The following ABAT variants were observed in gnomAD, a reference collection of about 807,000 sequenced individuals.
ABAT encodes the protein 4-aminobutyrate aminotransferase.
A neutral mutation model predicts 64.6 loss-of-function variants in ABAT; 45 were observed. That is an observed-to-expected ratio of 0.70 (90% CI 0.55 to 0.89). ABAT has a LOEUF of 0.89. ABAT is among the 40% of genes least tolerant of loss of function. The pLI, the probability that ABAT is intolerant of heterozygous loss-of-function variation, is 0.00. For synonymous variants in ABAT, 297 were observed against 250.5 expected, an observed-to-expected ratio of 1.19 and a Z score of -1.75; for missense variants, 633 against 658.4, an observed-to-expected ratio of 0.96 and a Z score of 0.42.
chr16:8,725,939 C>T (rs1452442231), intron 1 of ABAT, among the ~76,000 whole-genome samples: 1 of 152,150 alleles, frequency 6.6e-6, no homozygotes, highest in African/African-American at 2.4e-5. Flanking sequence ...AACCCCCTCC[C>T]CAGCTCAGTG....
Position 8,764,206 on chromosome 16 carries a change from G to A in ABAT, c.447+57G>A. The A allele has an allele frequency of 1.4e-6, 2 of 1,394,230 alleles. No individual in the cohort carries two copies. Among genetic ancestry groups the A allele is most frequent in the South Asian group, 2.3e-5 (2 of 86,446 alleles). The allele number at this position is 1,394,230 out of a possible 1,614,324, so 86.4% of individuals were successfully genotyped here. A position where few individuals can be genotyped will look rare whatever the true frequency, so the allele number is the denominator to read the frequency against. ...CAGACGTGGTACTGGCAGGGGAAGG[G>A]AAAAGTGGAGACGCCAACAATGAAG... On this transcript the variant is annotated intron_variant, in intron 7 of 15. Coordinates refer to ENST00000268251, the MANE Select transcript of ABAT (RefSeq NM_020686.6). The surrounding 1 kb of genome is among the most constrained non-coding windows in gnomAD (Gnocchi z 4.2).
chr16:8,749,719 T>G (rs2059426658), intron 4 of ABAT, among the ~76,000 whole-genome samples: 1 of 150,468 alleles, frequency 6.6e-6, no homozygotes, highest in South Asian at 2.1e-4. Context: ...TTTAATGTTT[T>G]TGTTTTTTAT....
intron 12 of ABAT, among the ~76,000 whole-genome samples, 162 bp from the exon 13 acceptor site, chr16:8,774,727 GT>G (rs921993670): frequency 1.3e-5 from 2 of 152,058 alleles, no homozygotes; most frequent in African/African-American, 2.4e-5. Context: ...GTTTTGATTA[GT>G]TTTTTTTGTG....
intron 5 of ABAT, among the ~76,000 whole-genome samples, chr16:8,755,217 G>C (rs1386829170): frequency 6.6e-6 from 1 of 152,110 alleles, no homozygotes; most frequent in Non-Finnish European, 1.5e-5. Context: ...CTAACCCTGA[G>C]GTGGGTCTCC....
intron 12 of ABAT, among the ~76,000 whole-genome samples, chr16:8,773,147 C>T (rs9932833): frequency 0.032 from 3,148 of 98,196 alleles, 137 homozygotes; most frequent in African/African-American, 0.12. Context: ...CACACACACA[C>T]ATATATATAT....
intron 6 of ABAT, chr16:8,760,041 A>T (rs1425649656): frequency 6.6e-6 from 1 of 152,214 alleles, no homozygotes; most frequent in African/African-American, 2.4e-5. Flanking sequence ...GTATTTGCAT[A>T]GCTCCAGTTC....
chr16:8,778,936 G>A (rs562917303), intron 14 of ABAT, among the ~76,000 whole-genome samples: 2 of 152,258 alleles, frequency 1.3e-5, no homozygotes, highest in African/African-American at 4.8e-5. Context: ...AGGGGGCAGT[G>A]GGAGGAAACT....
chr16:8,719,464 T>C (rs1163330595), intron 1 of ABAT, among the ~76,000 whole-genome samples: 1 of 152,198 alleles, frequency 6.6e-6, no homozygotes, highest in Admixed American at 6.5e-5. Flanking sequence ...CTCTCCAGTT[T>C]TTTCACAGGC....
Position 8,781,474 on chromosome 16 carries a change from T to C in ABAT, c.*44T>C. On this transcript the variant is annotated 3_prime_UTR_variant, in exon 16 of 16. Transcript: ENST00000268251. The surrounding 1 kb of genome is among the most constrained non-coding windows in gnomAD (Gnocchi z 4.5). ...AGTGAGAAAGCCCGGATCCCAACAG[T>C]TGTCAAATTGATTAGTTTGCCTAAT... The C allele has an allele frequency of 1.2e-6, 2 of 1,612,440 alleles. No individual in the cohort carries two copies. The highest frequency in any genetic ancestry group is 1.7e-6 in the Non-Finnish European group (2 of 1,178,694).
intron 1 of ABAT, among the ~76,000 whole-genome samples, chr16:8,702,248 C>T (rs1157105085): frequency 2.0e-5 from 3 of 150,532 alleles, no homozygotes; most frequent in African/African-American, 4.9e-5. Flanking sequence ...AGAGAGAGAG[C>T]AGAGAGGTGC....
rs1567295760 is a variant in ABAT, at chr16:8,738,007, A to G, written c.70+2198A>G. ...AAGGAAGGAGGAAAGAAAGAAAGAA[A>G]GAAAGAAAGGAAAGAAAGAAAGAAG... On this transcript the variant is annotated intron_variant, in intron 2 of 15. Coordinates refer to ENST00000268251, the MANE Select transcript of ABAT (RefSeq NM_020686.6). Among the ~76,000 whole-genome samples the G allele has an allele frequency of 2.6e-4, 33 of 124,728 alleles. 5 individuals are homozygous for G. Among genetic ancestry groups the G allele is most frequent in the Admixed American group, 4.0e-4 (5 of 12,392 alleles). 81.8% of individuals were successfully genotyped at this position (124,728 alleles called of 152,430 possible). A position where few individuals can be genotyped will look rare whatever the true frequency, so the allele number is the denominator to read the frequency against.
chr16:8,685,708 A>G (rs781262148), intron 1 of ABAT, among the ~76,000 whole-genome samples: 1 of 151,956 alleles, frequency 6.6e-6, no homozygotes, highest in Non-Finnish European at 1.5e-5. Flanking sequence ...CAACAGCAAC[A>G]TCGAAAAAAC....
chr16:8,710,723 A>AGG (rs1413021626), intron 1 of ABAT, among the ~76,000 whole-genome samples: 5,685 of 64,354 alleles, frequency 0.088, 239 homozygotes, highest in South Asian at 0.22. Flanking sequence ...AGAGAGAGAG[A>AGG]GAGAGAGGAA....
chr16:8,682,181 C>G (rs1441895123), intron 1 of ABAT, among the ~76,000 whole-genome samples: 1 of 108,098 alleles, frequency 9.3e-6, no homozygotes, highest in Non-Finnish European at 1.9e-5. Flanking sequence ...TTGTGCCTAA[C>G]AGGATACACA....
Position 8,764,406 on chromosome 16 carries a change from C to T in ABAT, c.447+257C>T, listed in dbSNP as rs112513999. On this transcript the variant is annotated intron_variant, in intron 7 of 15. Transcript: ENST00000268251. The surrounding 1 kb of genome is among the most constrained non-coding windows in gnomAD (Gnocchi z 4.2). The stretch of plus-strand genomic sequence containing the variant: ...TGCATATGTCATTCAATCCTGCCCC[C>T]ACTTCTCGGTTTTAGTTACTACAAA... 1.3e-5 allele frequency among the ~76,000 whole-genome samples: 2 copies of T among 152,188 alleles called. No individual in the cohort carries two copies. The highest frequency in any genetic ancestry group is 6.5e-5 in the Admixed American group (1 of 15,280).
intron 1 of ABAT, among the ~76,000 whole-genome samples, chr16:8,696,342 G>A (rs78561658): frequency 0.059 from 9,018 of 152,244 alleles, 287 homozygotes; most frequent in Middle Eastern, 0.11. Context: ...TTGGGATCAG[G>A]CTAGGCGTGG....
chr16:8,731,455 T>G (rs779108140), intron 1 of ABAT: 1 of 152,180 alleles, frequency 6.6e-6, no homozygotes, highest in Admixed American at 6.5e-5. Context: ...AGCAAACTTA[T>G]AGAGAGCTGC....
intron 5 of ABAT, among the ~76,000 whole-genome samples, chr16:8,751,633 G>A (rs1409330080): frequency 6.6e-6 from 1 of 152,192 alleles, no homozygotes; most frequent in African/African-American, 2.4e-5. Context: ...CATCAGCTGC[G>A]AGAGGGGAGA....
At chr16:8,718,684 A>G (rs969262462) in intron 1 of ABAT, among the ~76,000 whole-genome samples, 1 of 152,222 alleles carries the variant, frequency 6.6e-6, no homozygotes, top group Non-Finnish European at 1.5e-5. Context: ...TGGCAGCCTC[A>G]GTCAGGGGGC....
Sources: allele counts gnomAD v4.1 joint callset (sites outside exome capture counted in the v4.1 genomes callset), GRCh38; gene constraint gnomAD v4.1.1; non-coding constraint Gnocchi (gnomAD v3.1); transcripts MANE v1.5; gene names NCBI Gene and HGNC (gene_info 2026-07-23, HGNC 2026-07-21).